Variants in LRFN2 observed in about 807,000 individuals in gnomAD.
The protein encoded by LRFN2 is leucine rich repeat and fibronectin type III domain containing 2.
LRFN2 carries 18 observed loss-of-function variants against 37.3 expected under a neutral mutation model. That is an observed-to-expected ratio of 0.48 (90% CI 0.33 to 0.72). LRFN2 has a LOEUF of 0.72. Among genes scored for constraint, LRFN2 ranks in the 30% least tolerant of loss-of-function variants. The pLI is 0.02. For synonymous variants in LRFN2, 556 were observed against 466.6 expected, an observed-to-expected ratio of 1.19 and a Z score of -2.47; for missense variants, 1,006 against 1,060.7, an observed-to-expected ratio of 0.95 and a Z score of 0.72.
chr6:40,513,786 T>A (rs937583386), intron 1 of LRFN2, among the ~76,000 whole-genome samples: 1 of 152,048 alleles, frequency 6.6e-6, no homozygotes, highest in African/African-American at 2.4e-5. Context: ...GAAGGTCTCA[T>A]CAAGATGAGG....
chr6:40,572,519 G>A (rs1259249789), intron 1 of LRFN2, among the ~76,000 whole-genome samples: 1 of 152,206 alleles, frequency 6.6e-6, no homozygotes, highest in African/African-American at 2.4e-5. Context: ...TGGGAGGCTT[G>A]ATGGGCATAT....
chr6:40,569,548 T>C (rs1218273270), intron 1 of LRFN2, among the ~76,000 whole-genome samples: 1 of 152,138 alleles, frequency 6.6e-6, no homozygotes, highest in East Asian at 1.9e-4. Context: ...GCATAGTGGT[T>C]GGGGGCAGGA....
chr6:40,476,068 G>A (rs569146319), intron 1 of LRFN2, among the ~76,000 whole-genome samples: 62 of 152,232 alleles, frequency 4.1e-4, no homozygotes, highest in African/African-American at 1.2e-3. Flanking sequence ...TGGGCCCAGC[G>A]TGGCCTAGGA....
chr6:40,558,474 C>G (rs1264393980), intron 1 of LRFN2, among the ~76,000 whole-genome samples: 1 of 152,110 alleles, frequency 6.6e-6, no homozygotes, highest in African/African-American at 2.4e-5. Flanking sequence ...GAGGGTTTGG[C>G]CACCTTGCTC....
At chr6:40,394,284 C>T (rs9471333) in intron 2 of LRFN2, among the ~76,000 whole-genome samples, 83,590 of 151,712 alleles carry the variant, frequency 0.55, 23,403 homozygotes, top group Middle Eastern at 0.71. Context: ...AGAGATGATG[C>T]CTGTGTCACT....
Position 40,431,812 on chromosome 6 carries a change from G to A in LRFN2, c.1302C>T (p.Thr434=). 6.4e-7 allele frequency: 1 copy of A among 1,551,514 alleles called. No homozygotes were observed. Among genetic ancestry groups the A allele is most frequent in the Non-Finnish European group, 8.7e-7 (1 of 1,147,584 alleles). ...RAVLVSEVTT[T]SALVKWSVSK... ...TGACAGACCACTTGACCAGGGCCGA[G>A]GTGGTGGTCACTTCAGACACAAGCA... is the stretch of plus-strand genomic sequence containing the variant. Residue 434 remains threonine (T), a synonymous_variant, in exon 2 of 3, where the codon ACC becomes ACT. Transcript: ENST00000338305.
chr6:40,433,449 A>G (rs568223972), intron 1 of LRFN2, among the ~76,000 whole-genome samples: 23 of 152,296 alleles, frequency 1.5e-4, no homozygotes, highest in African/African-American at 4.3e-4. Context: ...CTGTATCCCA[A>G]TTACCTAGCT....
chr6:40,489,598 G>A (rs1298797997), intron 1 of LRFN2, among the ~76,000 whole-genome samples: 1 of 152,136 alleles, frequency 6.6e-6, no homozygotes, highest in Admixed American at 6.5e-5. Context: ...GCCTGGGAAG[G>A]GGTTGAGGGA....
chr6:40,493,555 C>T (rs1280842963), intron 1 of LRFN2, among the ~76,000 whole-genome samples: 1 of 152,176 alleles, frequency 6.6e-6, no homozygotes, highest in Non-Finnish European at 1.5e-5. Context: ...ACCCACACTA[C>T]AATGGATGAG....
At chr6:40,475,372 C>A (rs1049637385) in intron 1 of LRFN2, among the ~76,000 whole-genome samples, 2 of 152,044 alleles carry the variant, frequency 1.3e-5, no homozygotes, top group Non-Finnish European at 2.9e-5. Context: ...GATTCCACTC[C>A]GTACTAGAGA....
intron 2 of LRFN2, among the ~76,000 whole-genome samples, chr6:40,430,175 A>G (rs1763446627): frequency 6.6e-6 from 1 of 152,188 alleles, no homozygotes; most frequent in Non-Finnish European, 1.5e-5. Flanking sequence ...CTTTCTCTCC[A>G]TCCTGAGATG....
intron 2 of LRFN2, among the ~76,000 whole-genome samples, chr6:40,416,317 G>A (rs745945869): frequency 1.6e-4 from 24 of 151,688 alleles, no homozygotes; most frequent in African/African-American, 5.6e-4. Context: ...CCAATGAGGT[G>A]TAACATTTTA....
intron 1 of LRFN2, among the ~76,000 whole-genome samples, chr6:40,556,922 A>AT (rs1458686755): frequency 6.6e-6 from 1 of 152,098 alleles, no homozygotes; most frequent in East Asian, 1.9e-4. Flanking sequence ...GCATCCTTTG[A>AT]TTTTGTCTAA....
intron 1 of LRFN2, among the ~76,000 whole-genome samples, chr6:40,490,344 G>A (rs1452482765): frequency 6.6e-6 from 1 of 152,202 alleles, no homozygotes; most frequent in African/African-American, 2.4e-5. Context: ...CACCACCAGT[G>A]TGGAGAGATG....
chr6:40,396,260 C>A (rs1022104398), intron 2 of LRFN2, among the ~76,000 whole-genome samples: 1 of 152,128 alleles, frequency 6.6e-6, no homozygotes, highest in Admixed American at 6.6e-5. Context: ...AAGCTACCTG[C>A]CCAAGGAGGC....
intron 1 of LRFN2, among the ~76,000 whole-genome samples, chr6:40,470,620 A>C (rs549218358): frequency 1.3e-3 from 191 of 152,000 alleles, no homozygotes; most frequent in Non-Finnish European, 2.4e-3. Context: ...AAAAAAAAAA[A>C]AATAGGCTGT....
chr6:40,477,751 G>A lies in LRFN2; in HGVS notation c.-18-44620C>T, dbSNP rs974494861. On this transcript the variant is annotated intron_variant, in intron 1 of 2. Coordinates refer to ENST00000338305, the MANE Select transcript of LRFN2 (RefSeq NM_020737.3). Reference sequence around the variant, plus strand: ...TAGGAAAGAGACCCCAGCTGGAAGCGCGTTCTCCCCTCCCTGCTCCTTCCA... The same window carrying A: ...TAGGAAAGAGACCCCAGCTGGAAGCACGTTCTCCCCTCCCTGCTCCTTCCA... Among the ~76,000 whole-genome samples, 4 of 152,152 alleles carry A rather than the reference G, an allele frequency of 2.6e-5. No individual in the cohort carries two copies. The East Asian group carries it at 5.8e-4, about 22-fold the overall frequency.
chr6:40,551,232 C>T (rs977844868), intron 1 of LRFN2, among the ~76,000 whole-genome samples: 6 of 152,234 alleles, frequency 3.9e-5, no homozygotes, highest in South Asian at 4.2e-4. Context: ...CACTGCATTC[C>T]GGGCACTATT....
chr6:40,574,533 G>A (rs1376531885), intron 1 of LRFN2, among the ~76,000 whole-genome samples: 1 of 152,124 alleles, frequency 6.6e-6, no homozygotes, highest in East Asian at 1.9e-4. Flanking sequence ...GGGGTGGCGG[G>A]GAGTGCTGGA....
Sources: gnomAD v4.1 joint callset for allele counts (sites outside exome capture counted in the v4.1 genomes callset) on GRCh38, gnomAD v4.1.1 for gene constraint, MANE v1.5 for transcripts, NCBI Gene and HGNC (gene_info 2026-07-23, HGNC 2026-07-21) for gene names.